Variants in CCDC7 observed in about 807,000 individuals in gnomAD.
The protein encoded by CCDC7 is coiled-coil domain-containing protein 7.
CCDC7 carries 183 observed loss-of-function variants against 196.9 expected under a neutral mutation model. The observed-to-expected ratio is 0.93, with a 90% confidence interval of 0.82 to 1.05. The LOEUF is 1.05. Among genes scored for constraint, CCDC7 ranks in the 50% least tolerant of loss-of-function variants. The pLI, the probability that CCDC7 is intolerant of heterozygous loss-of-function variation, is 0.00. For synonymous variants in CCDC7, 525 were observed against 484.6 expected (o/e 1.08, Z -1.10); for missense variants, 1,540 against 1,482.2 (o/e 1.04, Z -0.64).
intron 32 of CCDC7, among the ~76,000 whole-genome samples, chr10:32,834,485 G>C (rs11009106): frequency 0.34 from 52,100 of 151,808 alleles, 11,329 homozygotes; most frequent in Non-Finnish European, 0.49. Context: ...GTTTGGAAAA[G>C]AGGCAGCATT....
chr10:32,548,234 G>A (rs1043050282), intron 13 of CCDC7, among the ~76,000 whole-genome samples: 8 of 152,118 alleles, frequency 5.3e-5, no homozygotes, highest in Admixed American at 3.9e-4. Flanking sequence ...CTATTGGCTA[G>A]GGTTGGACCG....
chr10:32,714,761 G>A (rs574785788), intron 25 of CCDC7, among the ~76,000 whole-genome samples: 1 of 152,174 alleles, frequency 6.6e-6, no homozygotes, highest in Non-Finnish European at 1.5e-5. Flanking sequence ...TCCCCTCACA[G>A]TGTAAACAAA....
chr10:32,767,261 A>T (rs2078458261), intron 28 of CCDC7, among the ~76,000 whole-genome samples: 1 of 152,034 alleles, frequency 6.6e-6, no homozygotes. Flanking sequence ...TTGTTTGGCC[A>T]CTGTTCTGGG....
chr10:32,660,603 T>C (rs2071130512), intron 20 of CCDC7, among the ~76,000 whole-genome samples: 1 of 149,534 alleles, frequency 6.7e-6, no homozygotes, highest in South Asian at 2.2e-4. Context: ...CATGTGTCTT[T>C]ATAGCAGCAT....
chr10:32,466,794 T>C lies in CCDC7; in HGVS notation c.510+3745T>C, dbSNP rs532557500. 4.6e-5 allele frequency among the ~76,000 whole-genome samples: 7 copies of C among 152,286 alleles called. No individual in the cohort carries two copies. The South Asian group carries it at 1.5e-3, about 32-fold the overall frequency. On this transcript the variant is annotated intron_variant, in intron 5 of 41. Transcript: ENST00000639629. ...TTTCCCTTGGGTATATACCCAGTAA[T>C]GGGATTGCTGGGTCAAATGGTAGTT... is the stretch of plus-strand genomic sequence containing the variant.
chr10:32,648,911 T>C (rs924017694), intron 20 of CCDC7, among the ~76,000 whole-genome samples: 1 of 152,212 alleles, frequency 6.6e-6, no homozygotes, highest in African/African-American at 2.4e-5. Context: ...TTAACCTAAA[T>C]ACCTATCAAT....
At chr10:32,501,128 T>C (rs1479486483) in intron 9 of CCDC7, among the ~76,000 whole-genome samples, 2 of 152,154 alleles carry the variant, frequency 1.3e-5, no homozygotes, top group African/African-American at 4.8e-5. Context: ...TTCATTGAGT[T>C]GATCTTCAAT....
At chr10:32,543,257 G>A (rs752347059) in intron 11 of CCDC7, 43 bp from the exon 13 acceptor site, 5 of 1,317,560 alleles carry the variant, frequency 3.8e-6, no homozygotes, top group South Asian at 1.9e-5. Flanking sequence ...ATAACTTATT[G>A]TGTTTTTAAC....
intron 21 of CCDC7, among the ~76,000 whole-genome samples, chr10:32,664,931 A>G (rs895835364): frequency 6.6e-6 from 1 of 152,162 alleles, no homozygotes; most frequent in African/African-American, 2.4e-5. Flanking sequence ...ATTCCCACCA[A>G]CAGTGTACAA....
At chr10:32,860,947 G>A (rs1482893411) in intron 41 of CCDC7, among the ~76,000 whole-genome samples, 2 of 152,008 alleles carry the variant, frequency 1.3e-5, no homozygotes, top group Non-Finnish European at 2.9e-5. Flanking sequence ...CATGGTCATG[G>A]ATAGGAAGAA....
At chr10:32,709,627 G>A (rs892036290) in intron 24 of CCDC7, among the ~76,000 whole-genome samples, 2 of 152,114 alleles carry the variant, frequency 1.3e-5, no homozygotes, top group African/African-American at 2.4e-5. Flanking sequence ...ATGGGGAGCA[G>A]TTGAAAATAC....
chr10:32,650,202 G>A (rs1468641734), intron 20 of CCDC7, among the ~76,000 whole-genome samples: 2 of 152,302 alleles, frequency 1.3e-5, no homozygotes, highest in East Asian at 3.9e-4. Context: ...GGAAGTTTCA[G>A]AGGACTAAGG....
chr10:32,487,380 A>T (rs2041331166), intron 8 of CCDC7, among the ~76,000 whole-genome samples: 1 of 152,104 alleles, frequency 6.6e-6, no homozygotes, highest in Admixed American at 6.5e-5. Flanking sequence ...CTAGTTAGCC[A>T]TTCGTCTAAT....
At chr10:32,715,935 C>T (rs753482109) in intron 25 of CCDC7, among the ~76,000 whole-genome samples, 2 of 152,098 alleles carry the variant, frequency 1.3e-5, no homozygotes, top group Non-Finnish European at 2.9e-5. Flanking sequence ...CACTGGTGTA[C>T]CTGAAAGAGA....
intron 5 of CCDC7, among the ~76,000 whole-genome samples, chr10:32,463,874 G>C (rs2036229196): frequency 6.6e-6 from 1 of 152,128 alleles, no homozygotes; most frequent in South Asian, 2.1e-4. Context: ...ACTGACATTG[G>C]AAAAGTGTTA....
At chr10:32,677,643 A>G (rs1334201171) in intron 21 of CCDC7, among the ~76,000 whole-genome samples, 3 of 151,824 alleles carry the variant, frequency 2.0e-5, no homozygotes, top group Non-Finnish European at 2.9e-5. Flanking sequence ...TCCATTTTCA[A>G]AATTTTCTTT....
At chr10:32,495,004 CCCA>C (rs1489705161) in intron 9 of CCDC7, among the ~76,000 whole-genome samples, 1 of 152,200 alleles carries the variant, frequency 6.6e-6, no homozygotes, top group Non-Finnish European at 1.5e-5. Context: ...AATTTACACT[CCCA>C]CCAACAGTGT....
At chr10:32,765,337 A>T (rs2078109832) in intron 28 of CCDC7, among the ~76,000 whole-genome samples, 3 of 151,984 alleles carry the variant, frequency 2.0e-5, no homozygotes, top group Non-Finnish European at 2.9e-5. Context: ...AAATGTCATG[A>T]TGGTCCACTG....
chr10:32,510,129 A>G (rs758890618), intron 9 of CCDC7, among the ~76,000 whole-genome samples: 20 of 152,346 alleles, frequency 1.3e-4, no homozygotes, highest in Admixed American at 7.8e-4. Context: ...TTAAGTATCC[A>G]TAATGGATGA....
Sources: gnomAD v4.1 joint callset for allele counts (sites outside exome capture counted in the v4.1 genomes callset) on GRCh38, gnomAD v4.1.1 for gene constraint, MANE v1.5 for transcripts, NCBI Gene and HGNC (gene_info 2026-07-23, HGNC 2026-07-21) for gene names.